Variants in MIA2 observed in about 807,000 individuals in gnomAD.
MIA2 encodes MIA SH3 domain ER export factor 2, also known as melanoma inhibitory activity protein 2.
MIA2 carries 127 observed loss-of-function variants against 167.8 expected under a neutral mutation model. The observed-to-expected ratio is 0.76, with a 90% CI of 0.66 to 0.88. MIA2 has a LOEUF of 0.88. Ranked by LOEUF, MIA2 falls within the 40% of genes least tolerant of loss-of-function variation. The pLI, the probability that MIA2 is intolerant of heterozygous loss-of-function variation, is 0.00. For synonymous variants in MIA2, 552 were observed against 541.9 expected, an observed-to-expected ratio of 1.02 and a Z score of -0.26; for missense variants, 1,690 against 1,624.7, an observed-to-expected ratio of 1.04 and a Z score of -0.69.
intron 6 of MIA2, chr14:39,276,497 G>A (rs977286279): frequency 6.4e-6 from 1 of 156,828 alleles, no homozygotes; most frequent in Non-Finnish European, 1.4e-5. Context: ...GTCTTACTTT[G>A]TTGCCCAGGC....
chr14:39,333,997 A>G (rs1357063668), intron 25 of MIA2, among the ~76,000 whole-genome samples: 1 of 152,238 alleles, frequency 6.6e-6, no homozygotes, highest in East Asian at 1.9e-4. Flanking sequence ...CTACAGACAC[A>G]GTAAAGGAAT....
At chr14:39,258,535 C>A (rs974382106) in intron 6 of MIA2, among the ~76,000 whole-genome samples, 3 of 152,130 alleles carry the variant, frequency 2.0e-5, no homozygotes, top group Non-Finnish European at 4.4e-5. Flanking sequence ...GAACATGCTC[C>A]TTTAGCTCAG....
At chr14:39,311,466 C>CTTTTTTTTTTTTTTTTTTT (rs35478238) in intron 18 of MIA2, among the ~76,000 whole-genome samples, 1 of 43,322 alleles carries the variant, frequency 2.3e-5, no homozygotes. Flanking sequence ...TGATGTGTTG[C>CTTTTTTTTTTTTTTTTTTT]TTTTTTTTTT....
intron 13 of MIA2, among the ~76,000 whole-genome samples, chr14:39,299,332 G>A (rs1265570239): frequency 4.3e-5 from 2 of 46,862 alleles, no homozygotes; most frequent in East Asian, 5.6e-4. Flanking sequence ...TTTTTGAGAC[G>A]GAGTCTCGCT....
chr14:39,255,218 G>C (rs1026681741), intron 6 of MIA2, among the ~76,000 whole-genome samples: 1 of 152,154 alleles, frequency 6.6e-6, no homozygotes, highest in African/African-American at 2.4e-5. Context: ...TCATTAGGCT[G>C]GGCATGGTGG....
intron 23 of MIA2, among the ~76,000 whole-genome samples, chr14:39,359,493 C>A (rs532850490): frequency 5.3e-5 from 8 of 152,304 alleles, no homozygotes; most frequent in African/African-American, 1.7e-4. Flanking sequence ...TGACTCCTTG[C>A]GCTTCCCAGG....
intron 6 of MIA2, among the ~76,000 whole-genome samples, chr14:39,273,470 G>A (rs933355045): frequency 2.6e-5 from 4 of 151,844 alleles, no homozygotes; most frequent in East Asian, 1.9e-4. Flanking sequence ...CTCCCACCTC[G>A]GCCTTCTGAG....
chr14:39,279,413 A>G (rs988447518), intron 8 of MIA2, 36 bp from the exon 9 acceptor site: 15 of 1,601,980 alleles, frequency 9.4e-6, no homozygotes, highest in Admixed American at 1.7e-5. Context: ...AACTTATAAT[A>G]ATTTACTCAT....
chr14:39,315,944 A>G (rs936534164), intron 21 of MIA2, among the ~76,000 whole-genome samples: 1 of 152,196 alleles, frequency 6.6e-6, no homozygotes, highest in African/African-American at 2.4e-5. Flanking sequence ...TGCTTCTTTG[A>G]AAGGAGTTTA....
intron 25 of MIA2, among the ~76,000 whole-genome samples, chr14:39,337,819 A>C (rs1057095917): frequency 2.6e-5 from 4 of 151,930 alleles, no homozygotes; most frequent in Admixed American, 1.3e-4. Context: ...CTGGGTTCAA[A>C]CTGTCCTTCA....
chr14:39,245,014 G>A (rs1454106743), intron 3 of MIA2, among the ~76,000 whole-genome samples: 2 of 150,634 alleles, frequency 1.3e-5, no homozygotes, highest in Non-Finnish European at 2.9e-5. Flanking sequence ...CTGGGCTCAA[G>A]CAGTCTGCCC....
At chr14:39,366,531 G>A (rs2074826327) in intron 23 of MIA2, among the ~76,000 whole-genome samples, 1 of 152,236 alleles carries the variant, frequency 6.6e-6, no homozygotes, top group Non-Finnish European at 1.5e-5. Flanking sequence ...CAGCTGTGAT[G>A]TTAGTGGCAG....
chr14:39,380,825 G>T (rs547559531), intron 23 of MIA2, among the ~76,000 whole-genome samples: 1 of 151,794 alleles, frequency 6.6e-6, no homozygotes, highest in South Asian at 2.1e-4. Context: ...AGATTTCTGA[G>T]CTCTGGGCAG....
At chr14:39,297,801 A>G (rs2061649020) in intron 13 of MIA2, among the ~76,000 whole-genome samples, 1 of 152,040 alleles carries the variant, frequency 6.6e-6, no homozygotes, top group Non-Finnish European at 1.5e-5. Context: ...TGCTTTTTAT[A>G]CAGACTTTTG....
rs1323057593 is a variant in MIA2 at position 39,247,061 on chromosome 14, C to A, written c.487C>A (p.Pro163Thr). The A allele has an allele frequency of 1.2e-6, 2 of 1,606,200 alleles. No individual in the cohort carries two copies. Among genetic ancestry groups the A allele is most frequent in the Non-Finnish European group, 1.7e-6 (2 of 1,178,098 alleles). Residue 163 changes from proline to threonine, a missense_variant, in exon 4 of 29, where the codon CCT (proline) becomes ACT (threonine). Transcript: ENST00000640607. The stretch of plus-strand genomic sequence containing the variant: ...ATATGAAAGTGATTTTCAGATAGAA[C>A]CTGGATTTTATGCAACTTATGAAAG... Reference protein sequence around the residue: ...SIYESDFQIEPGFYATYESTL... With the variant: ...SIYESDFQIETGFYATYESTL...
At chr14:39,357,889 CT>C (rs1165221221) in intron 23 of MIA2, among the ~76,000 whole-genome samples, 6 of 146,442 alleles carry the variant, frequency 4.1e-5, no homozygotes, top group African/African-American at 1.5e-4. Context: ...CCCGCACTCT[CT>C]TCTGGCTTGT....
intron 6 of MIA2, chr14:39,267,150 C>T (rs2055905258): frequency 1.7e-6 from 2 of 1,161,054 alleles, no homozygotes; most frequent in South Asian, 2.7e-5. Flanking sequence ...CGCGGCTGCC[C>T]GGCCGAAACC....
rs2152638001 is a variant in MIA2, at chr14:39,252,871, T to A, written c.1691T>A (p.Val564Glu). 2 of 1,614,040 alleles carry A rather than the reference T, an allele frequency of 1.2e-6. No homozygotes were observed. The highest frequency in any genetic ancestry group is 4.5e-5 in the East Asian group (2 of 44,862). ...GTAGACACCGAAGGGCCTGCTCTGG[T>A]GGAGATAGACAGATCTGTGGAAAAT... ...PSVDTEGPAL[V>E]EIDRSVENTL... The change falls in exon 5 of 29, where the codon GTG (valine) becomes GAG (glutamate). Residue 564 changes from valine (V) to glutamate (E), a missense_variant. Val to Glu is a moderately radical substitution (Grantham distance 121). Transcript: ENST00000640607.
chr14:39,347,013 C>T, intron 26 of MIA2: 2 of 188,818 alleles, frequency 1.1e-5, no homozygotes, highest in Non-Finnish European at 2.2e-5. Context: ...CCACTGCAAC[C>T]TCCGCCTCCT....
Sources: allele counts gnomAD v4.1 joint callset (sites outside exome capture counted in the v4.1 genomes callset), GRCh38; gene constraint gnomAD v4.1.1; transcripts MANE v1.5; gene names NCBI Gene and HGNC (gene_info 2026-07-23, HGNC 2026-07-21).